Variants in ACSS3 observed in about 807,000 individuals in gnomAD.
The protein encoded by ACSS3 is acyl-CoA synthetase short chain family member 3, also known as acyl-CoA synthetase short-chain family member 3, mitochondrial.
ACSS3 carries 64 observed loss-of-function variants against 84.2 expected under a neutral mutation model. That is an observed-to-expected ratio of 0.76 (90% CI 0.62 to 0.94). The LOEUF (loss-of-function observed/expected upper bound fraction) is 0.94, where lower values mean the gene tolerates loss of function less well. Among genes scored for constraint, ACSS3 ranks in the 40% least tolerant of loss-of-function variants. The pLI, the probability that ACSS3 is intolerant of heterozygous loss-of-function variation, is 0.00. For synonymous variants in ACSS3, 317 were observed against 310.1 expected (o/e 1.02, Z -0.23); for missense variants, 815 against 867.6 (o/e 0.94, Z 0.76).
At chr12:81,095,193 T>C (rs1039947090) in intron 1 of ACSS3, among the ~76,000 whole-genome samples, 1 of 152,152 alleles carries the variant, frequency 6.6e-6, no homozygotes, top group African/African-American at 2.4e-5. Context: ...ATTTGGAGTT[T>C]GGTTCTTTGC....
At chr12:81,103,162 T>C (rs530112640) in intron 1 of ACSS3, among the ~76,000 whole-genome samples, 2 of 152,342 alleles carry the variant, frequency 1.3e-5, no homozygotes, top group East Asian at 3.9e-4. Flanking sequence ...ATCATTACCA[T>C]AATTTTTGAG....
Position 81,111,164 on chromosome 12 carries a change from C to T in ACSS3, c.456+1460C>T, listed in dbSNP as rs555189875. Reference sequence around the variant, plus strand: ...CTTATGAAAAGGGTAGACTGAAGAGCCAGGCTTAGAAAAATGGTAAACCCT... The same window carrying T: ...CTTATGAAAAGGGTAGACTGAAGAGTCAGGCTTAGAAAAATGGTAAACCCT... On this transcript the variant is annotated intron_variant, in intron 2 of 15. Transcript: ENST00000548058. Among the ~76,000 whole-genome samples the T allele has an allele frequency of 5.4e-4, 82 of 152,150 alleles. 1 individual carries two copies. The South Asian group carries it at 0.011, about 20-fold the overall frequency.
At chr12:81,077,902 C>T (rs1441716032), upstream of ACSS3, 4 of 506,452 alleles carry the variant, frequency 7.9e-6, no homozygotes, top group African/African-American at 4.0e-5. Context: ...GCTGCAACGG[C>T]GCTGTGACAC....
chr12:81,081,901 G>A (rs1466645579), intron 1 of ACSS3, among the ~76,000 whole-genome samples: 1 of 152,144 alleles, frequency 6.6e-6, no homozygotes, highest in African/African-American at 2.4e-5. Context: ...CTTACTAGCT[G>A]AGATTAAGGT....
intron 1 of ACSS3, among the ~76,000 whole-genome samples, chr12:81,082,312 G>A (rs1384312451): frequency 6.6e-6 from 1 of 152,166 alleles, no homozygotes; most frequent in African/African-American, 2.4e-5. Flanking sequence ...GTGAGAACAT[G>A]CATATCTGGT....
At chr12:81,079,744 T>C (rs975277139) in intron 1 of ACSS3, among the ~76,000 whole-genome samples, 22 of 152,226 alleles carry the variant, frequency 1.4e-4, no homozygotes, top group Admixed American at 1.1e-3. Flanking sequence ...GGGGCCAGAC[T>C]ACCTGGTCTG....
At chr12:81,189,078 C>T (rs566455527) in intron 8 of ACSS3, among the ~76,000 whole-genome samples, 1 of 152,186 alleles carries the variant, frequency 6.6e-6, no homozygotes, top group South Asian at 2.1e-4. Flanking sequence ...CCCTCTCCCC[C>T]TCCAACCACC....
At chr12:81,123,610 CT>C (rs760699025) in intron 2 of ACSS3, among the ~76,000 whole-genome samples, 2 of 150,740 alleles carry the variant, frequency 1.3e-5, no homozygotes, top group African/African-American at 2.5e-5. Flanking sequence ...TCTCACCCCC[CT>C]CTCACCCTCC....
intron 1 of ACSS3, among the ~76,000 whole-genome samples, chr12:81,091,743 T>C (rs996880643): frequency 3.3e-5 from 5 of 152,124 alleles, no homozygotes; most frequent in African/African-American, 1.2e-4. Context: ...CAAAATCTCT[T>C]AAATTCTAAA....
At chr12:81,078,053 C>A, upstream of ACSS3, 1 of 1,426,968 alleles carries the variant, frequency 7.0e-7, no homozygotes, top group Non-Finnish European at 9.2e-7. Flanking sequence ...ACTCCCTTCC[C>A]TCAGGCCCCA....
chr12:81,172,047 G>GC (rs1379746400), intron 7 of ACSS3, among the ~76,000 whole-genome samples: 1 of 152,022 alleles, frequency 6.6e-6, no homozygotes, highest in African/African-American at 2.4e-5. Context: ...CAGGCGGATT[G>GC]CCTGAGGTCA....
intron 7 of ACSS3, among the ~76,000 whole-genome samples, chr12:81,156,190 A>G (rs1480864780): frequency 1.5e-5 from 2 of 132,120 alleles, no homozygotes; most frequent in African/African-American, 5.1e-5. Flanking sequence ...AGGAAAACAC[A>G]CACACACACA....
intron 8 of ACSS3, among the ~76,000 whole-genome samples, chr12:81,185,057 T>C (rs1441010010): frequency 2.0e-5 from 3 of 151,758 alleles, no homozygotes; most frequent in African/African-American, 7.2e-5. Context: ...TTCCATGGCA[T>C]GCAAAACTGA....
At chr12:81,131,448 G>A (rs939740153) in intron 2 of ACSS3, among the ~76,000 whole-genome samples, 6 of 152,102 alleles carry the variant, frequency 3.9e-5, no homozygotes, top group African/African-American at 1.4e-4. Context: ...TGATGTATAG[G>A]AATGCCTGTG....
intron 9 of ACSS3, among the ~76,000 whole-genome samples, chr12:81,213,430 TAAC>T (rs1219988893): frequency 3.3e-5 from 5 of 152,148 alleles, no homozygotes; most frequent in African/African-American, 2.4e-5. Flanking sequence ...AAAGTATCTG[TAAC>T]AACAACTACG....
At chr12:81,199,074 A>T (rs977220713) in intron 8 of ACSS3, among the ~76,000 whole-genome samples, 4 of 152,052 alleles carry the variant, frequency 2.6e-5, no homozygotes, top group African/African-American at 9.7e-5. Flanking sequence ...GATTACAGAG[A>T]TCAACTCAAT....
chr12:81,252,188 C>T (rs1330880572), intron 13 of ACSS3, among the ~76,000 whole-genome samples: 1 of 151,970 alleles, frequency 6.6e-6, no homozygotes, highest in Non-Finnish European at 1.5e-5. Flanking sequence ...TTTTGAGGCC[C>T]ATATCTTTCT....
intron 9 of ACSS3, among the ~76,000 whole-genome samples, chr12:81,209,144 A>G (rs992212185): frequency 2.6e-5 from 4 of 152,006 alleles, no homozygotes; most frequent in Non-Finnish European, 5.9e-5. Context: ...TGGGAGCCTA[A>G]AATCATGTTA....
intron 9 of ACSS3, among the ~76,000 whole-genome samples, chr12:81,211,468 G>T (rs1466238359): frequency 6.6e-6 from 1 of 152,094 alleles, no homozygotes; most frequent in African/African-American, 2.4e-5. Flanking sequence ...TAACAAAAGG[G>T]ATTATCTTTG....
Sources: allele counts gnomAD v4.1 joint callset (sites outside exome capture counted in the v4.1 genomes callset), GRCh38; gene constraint gnomAD v4.1.1; transcripts MANE v1.5; gene names NCBI Gene and HGNC (gene_info 2026-07-23, HGNC 2026-07-21).